ARG2: variants seen among roughly 807,000 people sequenced by gnomAD.
The protein encoded by ARG2 is arginase 2.
A neutral mutation model predicts 39.4 loss-of-function variants in ARG2; 21 were observed. The ratio of observed to expected loss-of-function variants is 0.53; its 90% confidence interval spans 0.38 to 0.77. ARG2 has a LOEUF of 0.77. ARG2 is among the 30% of genes least tolerant of loss of function. The pLI is 0.00. For synonymous variants in ARG2, 150 were observed against 156.7 expected (o/e 0.96, Z 0.32); for missense variants, 378 against 426.2 (o/e 0.89, Z 1.00).
Position 67,620,066 on chromosome 14 carries a change from G to T in ARG2, c.89G>T (p.Gly30Val), listed in dbSNP as rs1024639335. ...KKSVHSVAVIGAPFSQGQKRK... is the reference protein window; with the variant it reads ...KKSVHSVAVIVAPFSQGQKRK... ...TCCGTCCACTCCGTGGCTGTGATAGGAGCCCCGTTCTCACAAGGGCAGGTG... is the reference window on the plus strand; with the variant it reads ...TCCGTCCACTCCGTGGCTGTGATAGTAGCCCCGTTCTCACAAGGGCAGGTG... Residue 30 changes from glycine (G) to valine (V), a missense_variant, in exon 1 of 8, where the codon GGA (glycine) becomes GTA (valine). Gly to Val is a moderately radical substitution (Grantham distance 109). Coordinates refer to ENST00000261783, the MANE Select transcript of ARG2 (RefSeq NM_001172.4). The T allele has an allele frequency of 1.2e-6, 2 of 1,610,036 alleles. No homozygotes were observed. Among genetic ancestry groups the T allele is most frequent in the African/African-American group, 2.7e-5 (2 of 74,626 alleles).
chr14:67,626,352 G>A (rs895231673), intron 2 of ARG2, among the ~76,000 whole-genome samples: 18 of 152,114 alleles, frequency 1.2e-4, no homozygotes, highest in African/African-American at 3.6e-4. Context: ...TATTGGTGAG[G>A]GTGTAAAAAG....
At chr14:67,630,791 G>GCTGGT (rs2036910927) in intron 2 of ARG2, among the ~76,000 whole-genome samples, 1 of 152,044 alleles carries the variant, frequency 6.6e-6, no homozygotes, top group South Asian at 2.1e-4. Flanking sequence ...TCTTGGCCAG[G>GCTGGT]CTGGTCTGGT....
At chr14:67,643,851 GTAAAAAAAAAAAAAA>G (rs2037063080) in intron 3 of ARG2, among the ~76,000 whole-genome samples, 1 of 33,028 alleles carries the variant, frequency 3.0e-5, no homozygotes, top group Non-Finnish European at 5.0e-5. Context: ...CTCCTTGGGA[GTAAAAAAAAAAAAAA>G]AAAAAAAAAA....
chr14:67,631,434 CTT>C (rs1319430069), intron 2 of ARG2, among the ~76,000 whole-genome samples: 15 of 113,144 alleles, frequency 1.3e-4, no homozygotes, highest in Non-Finnish European at 1.4e-4. Context: ...TTCTTTCTTT[CTT>C]TTTTTTTTTT....
chr14:67,642,802 T>TTTTTTC (rs1566803731), intron 3 of ARG2, among the ~76,000 whole-genome samples: 8 of 124,678 alleles, frequency 6.4e-5, no homozygotes, highest in African/African-American at 2.5e-4. Flanking sequence ...TCTTTTTTTT[T>TTTTTTC]TTTTTTTTTT....
intron 3 of ARG2, among the ~76,000 whole-genome samples, chr14:67,643,027 TC>T (rs2037053995): frequency 6.6e-6 from 1 of 152,136 alleles, no homozygotes; most frequent in Admixed American, 6.6e-5. Flanking sequence ...GGTCTCGAAC[TC>T]CTGAGCTCAA....
At chr14:67,622,833 C>T (rs1323535516) in intron 2 of ARG2, among the ~76,000 whole-genome samples, 1 of 152,224 alleles carries the variant, frequency 6.6e-6, no homozygotes, top group East Asian at 1.9e-4. Context: ...GTTTCAGCCT[C>T]TTCTGGAGGA....
At position 67,646,864 on chromosome 14, in the gene ARG2, A is replaced by C. The variant is rs1411507916; in HGVS notation, c.618-57A>C. The C allele has an allele frequency of 4.3e-6, 6 of 1,407,720 alleles. No individual in the cohort carries two copies. In the Admixed American group the frequency reaches 8.5e-5, roughly 20 times the overall value. The allele number at this position is 1,407,720 out of a possible 1,614,324, so 87.2% of individuals were successfully genotyped here. Reference sequence around the variant, plus strand: ...CAAACCCACCCTCTCCCCCAAATACATATTTGTTAAAAATGCTCTTTAAAC... The same window carrying C: ...CAAACCCACCCTCTCCCCCAAATACCTATTTGTTAAAAATGCTCTTTAAAC... On this transcript the variant is annotated intron_variant, in intron 5 of 7. Coordinates refer to ENST00000261783, the MANE Select transcript of ARG2 (RefSeq NM_001172.4).
intron 3 of ARG2, among the ~76,000 whole-genome samples, chr14:67,643,661 AAAAT>A (rs1253251541): frequency 6.6e-6 from 1 of 152,118 alleles, no homozygotes; most frequent in Admixed American, 6.6e-5. Context: ...AGGTCTCTTA[AAAAT>A]AAATAAATAA....
At chr14:67,634,360 A>T (rs1425434260) in intron 2 of ARG2, among the ~76,000 whole-genome samples, 1 of 151,558 alleles carries the variant, frequency 6.6e-6, no homozygotes, top group African/African-American at 2.4e-5. Context: ...TGGGAGGCCA[A>T]GGTGGATGGA....
In ARG2 at chr14:67,651,424, C is replaced by T; in HGVS notation, c.*504C>T. ...AGAATTTGTAGTAAACCAGGCCTCCCAGGATGGCGAGCTCCAGTAAGATGA... is the reference window on the plus strand; with the variant it reads ...AGAATTTGTAGTAAACCAGGCCTCCTAGGATGGCGAGCTCCAGTAAGATGA... On this transcript the variant is annotated 3_prime_UTR_variant, in exon 8 of 8. Transcript: ENST00000261783. 1 of 1,614,012 alleles carries T rather than the reference C, an allele frequency of 6.2e-7. No homozygotes were observed. Among genetic ancestry groups the T allele is most frequent in the Non-Finnish European group, 8.5e-7 (1 of 1,179,904 alleles).
At chr14:67,631,929 C>T (rs2036922805) in intron 2 of ARG2, among the ~76,000 whole-genome samples, 1 of 152,170 alleles carries the variant, frequency 6.6e-6, no homozygotes, top group African/African-American at 2.4e-5. Flanking sequence ...GGCCAGAGTG[C>T]AGTGGTGTAA....
At chr14:67,620,121 A>C (rs762243109) in intron 1 of ARG2, 33 bp downstream of exon 1, 1 of 1,481,340 alleles carries the variant, frequency 6.8e-7, no homozygotes. Context: ...GCCGGGCAGG[A>C]TCCTCCGCCC....
At chr14:67,620,853 A>G (rs750887778) in intron 1 of ARG2, 41 bp from the exon 2 acceptor site, 2 of 1,609,746 alleles carry the variant, frequency 1.2e-6, no homozygotes, top group Non-Finnish European at 1.7e-6. Context: ...TTTTTCCGAC[A>G]CCTTCTCTAC....
intron 2 of ARG2, among the ~76,000 whole-genome samples, chr14:67,626,495 C>G (rs543782861): frequency 3.4e-4 from 52 of 152,270 alleles, no homozygotes; most frequent in African/African-American, 1.2e-3. Context: ...ATATACCTAA[C>G]AGAATTCAAA....
chr14:67,644,390 C>A (rs963429665), intron 3 of ARG2, among the ~76,000 whole-genome samples: 1 of 152,202 alleles, frequency 6.6e-6, no homozygotes, highest in Non-Finnish European at 1.5e-5. Context: ...TCACACAGCT[C>A]TTCCAGGACT....
chr14:67,633,271 T>C (rs1288780245), intron 2 of ARG2, among the ~76,000 whole-genome samples: 2 of 152,046 alleles, frequency 1.3e-5, no homozygotes, highest in Admixed American at 6.6e-5. Context: ...GGTTCTCTCT[T>C]TTTTTTTCTT....
At chr14:67,646,552 A>C (rs1450784207) in intron 4 of ARG2, 92 bp from the exon 5 acceptor site, 22 of 1,002,074 alleles carry the variant, frequency 2.2e-5, no homozygotes, top group South Asian at 4.4e-5. Context: ...GTGGCAGAAG[A>C]AAGCAGATTG....
chr14:67,648,102 G>C lies in ARG2; in HGVS notation c.778G>C (p.Ala260Pro), dbSNP rs1404926253. 1.9e-6 allele frequency: 3 copies of C among 1,613,872 alleles called. No individual in the cohort carries two copies. The South Asian group carries it at 3.3e-5, about 18-fold the overall frequency. The stretch of plus-strand genomic sequence containing the variant: ...TATTGATGCATTTGACCCTACACTG[G>C]CTCCAGCCACAGGAACTCCTGTTGT... ...FDIDAFDPTL[A>P]PATGTPVVGG... Residue 260 changes from alanine (A) to proline (P), a missense_variant, in exon 7 of 8, where the codon GCT (alanine) becomes CCT (proline). By Grantham distance (27) the Ala-to-Pro change is conservative. Transcript: ENST00000261783.
Sources: gnomAD v4.1 joint callset for allele counts (sites outside exome capture counted in the v4.1 genomes callset) on GRCh38, gnomAD v4.1.1 for gene constraint, MANE v1.5 for transcripts, NCBI Gene and HGNC (gene_info 2026-07-23, HGNC 2026-07-21) for gene names.